GRK1: variants seen among roughly 807,000 people sequenced by gnomAD.
The protein encoded by GRK1 is rhodopsin kinase GRK1.
GRK1 carries 28 observed loss-of-function variants against 41.7 expected under a neutral mutation model. The ratio of observed to expected loss-of-function variants is 0.67; its 90% CI spans 0.50 to 0.92. The LOEUF (loss-of-function observed/expected upper bound fraction) is 0.92, where lower values mean the gene tolerates loss of function less well. GRK1 is among the 40% of genes least tolerant of loss of function. GRK1 has a pLI of 0.00. For missense variants in GRK1, 703 were observed against 671.2 expected, an observed-to-expected ratio of 1.05 and a Z score of -0.52; for synonymous variants, 327 against 286.7, an observed-to-expected ratio of 1.14 and a Z score of -1.42.
intron 6 of GRK1, among the ~76,000 whole-genome samples, chr13:113,733,927 TGTGTGC>T (rs1169774797): frequency 0.014 from 1,089 of 78,354 alleles, 75 homozygotes; most frequent in African/African-American, 0.038. Flanking sequence ...CGTGTGTGCA[TGTGTGC>T]ATACGTGTGT....
At chr13:113,652,829 C>A in the GRK1 span, 2 of 1,604,426 alleles carry the variant, frequency 1.2e-6, no homozygotes, top group African/African-American at 2.7e-5. Flanking sequence ...GAGGCCCTGA[C>A]TGCACTGTTG....
At chr13:113,652,650 G>A in the GRK1 span, 5 of 646,774 alleles carry the variant, frequency 7.7e-6, no homozygotes, top group Non-Finnish European at 1.4e-5. Context: ...ATGTTTTAGA[G>A]GGCCGGCTAT....
At chr13:113,649,499 G>C in the GRK1 span, 1 of 1,547,626 alleles carries the variant, frequency 6.5e-7, no homozygotes, top group African/African-American at 1.4e-5. The surrounding 1 kb of genome is among the most constrained non-coding windows in gnomAD (Gnocchi z 4.7). Flanking sequence ...GGGATGTTGA[G>C]GAGCTTCGCT....
chr13:113,736,050 G>C lies in GRK1; in HGVS notation c.*687G>C, dbSNP rs1422821659. The C allele has an allele frequency of 6.6e-6, 1 of 152,380 alleles. No individual in the cohort carries two copies. Among genetic ancestry groups the C allele is most frequent in the African/African-American group, 2.4e-5 (1 of 41,456 alleles). The allele number at this position is 152,380 out of a possible 1,614,324, so 9.4% of individuals were successfully genotyped here. A position where few individuals can be genotyped will look rare whatever the true frequency, so the allele number is the denominator to read the frequency against. ...AGGCTCTGTTGGGCTGTTGGGAGGA[G>C]GGGAGCGGGTGTGGAGTCTGGGGGT... On this transcript the variant is annotated 3_prime_UTR_variant, in exon 7 of 7. Coordinates refer to ENST00000335678, the MANE Select transcript of GRK1 (RefSeq NM_002929.3).
At chr13:113,668,111 G>A (rs973202886) in intron 1 of GRK1, 26 bp downstream of exon 1, 3 of 1,580,162 alleles carry the variant, frequency 1.9e-6, no homozygotes, top group African/African-American at 2.7e-5. Context: ...CGGCCAGCAG[G>A]GATGGGGTGG....
rs768220328 is a variant in GRK1 at position 113,735,372 on chromosome 13, C to T, written c.*9C>T. The T allele has an allele frequency of 1.4e-6, 2 of 1,480,364 alleles. No individual in the cohort carries two copies. The highest frequency in any genetic ancestry group is 9.0e-7 in the Non-Finnish European group (1 of 1,116,612). 91.7% of individuals were successfully genotyped at this position (1,480,364 alleles called of 1,614,324 possible). On this transcript the variant is annotated 3_prime_UTR_variant, in exon 7 of 7. Transcript: ENST00000335678. ...TGTGTCTGGTTTCCTAGGTGACGCC[C>T]CAGAGTCCACGTGGAGGAAAAGGAC...
intron 4 of GRK1, among the ~76,000 whole-genome samples, chr13:113,730,597 G>A (rs564156069): frequency 2.0e-5 from 3 of 149,676 alleles, no homozygotes; most frequent in East Asian, 2.0e-4. Context: ...CCGTGGCTGC[G>A]CCCAGAGCCG....
At chr13:113,672,252 G>GGTACA (rs2049862462) in intron 3 of GRK1, among the ~76,000 whole-genome samples, 1 of 150,552 alleles carries the variant, frequency 6.6e-6, no homozygotes. Context: ...TGTGCAGTGT[G>GGTACA]TGGTGTGTGA....
chr13:113,727,569 GACCCATGGCAATGAGGAGT>G (rs1466428772), intron 4 of GRK1, among the ~76,000 whole-genome samples: 57 of 145,818 alleles, frequency 3.9e-4, no homozygotes, highest in South Asian at 2.5e-3. Flanking sequence ...TGGCGATGAG[GACCCATGGCAATGAGGAGT>G]ACCCATGGCA....
the GRK1 span, among the ~76,000 whole-genome samples, chr13:113,655,189 C>T: frequency 3.3e-5 from 5 of 152,174 alleles, no homozygotes; most frequent in East Asian, 5.8e-4. Context: ...CAGAATCCTG[C>T]GACCCGAGGC....
the GRK1 span, among the ~76,000 whole-genome samples, chr13:113,656,200 A>G: frequency 6.6e-6 from 1 of 152,134 alleles, no homozygotes; most frequent in Admixed American, 6.5e-5. Flanking sequence ...CTGGCCCTGC[A>G]GGTCCTGCCT....
Position 113,731,082 on chromosome 13 carries a change from AT to A in GRK1, c.1070-133del. ...ACACAGGGCAGCCCCTCCACAAAGG[AT>A]TTTCTGGCCCCAAATGTGGAGAGTG... On this transcript the variant is annotated intron_variant, in intron 4 of 6. Coordinates refer to ENST00000335678, the MANE Select transcript of GRK1 (RefSeq NM_002929.3). This position sits in a 1 kb window ranked among gnomAD's most constrained non-coding sequence, Gnocchi z 5.6. 2 of 1,293,890 alleles carry A rather than the reference AT, an allele frequency of 1.5e-6. No individual in the cohort carries two copies. Among genetic ancestry groups the A allele is most frequent in the Non-Finnish European group, 2.1e-6 (2 of 965,410 alleles). 80.2% of individuals were successfully genotyped at this position (1,293,890 alleles called of 1,614,324 possible). A position where few individuals can be genotyped will look rare whatever the true frequency, so the allele number is the denominator to read the frequency against.
intron 4 of GRK1, among the ~76,000 whole-genome samples, chr13:113,725,189 C>T (rs969725207): frequency 1.3e-5 from 2 of 152,276 alleles, no homozygotes; most frequent in African/African-American, 2.4e-5. Context: ...CACGCGCCCC[C>T]CACGCAGCGA....
chr13:113,734,049 TAC>T (rs1487569959), intron 6 of GRK1, among the ~76,000 whole-genome samples: 1 of 149,512 alleles, frequency 6.7e-6, no homozygotes, highest in Non-Finnish European at 1.5e-5. Context: ...TGTGTGTGCA[TAC>T]GTGTGTGTGC....
rs74373208 is a variant in GRK1, at chr13:113,671,268, C to T, written c.828-231C>T. 7.3e-3 allele frequency among the ~76,000 whole-genome samples: 1,115 copies of T among 152,284 alleles called. 15 individuals carry two copies. Among genetic ancestry groups the T allele is most frequent in the African/African-American group, 0.025 (1,041 of 41,544 alleles). Reference sequence around the variant, plus strand: ...GGAAAGCAGGCGGACAGGAGACGCACGTGGACAGCACTTTCTCCCTGTTAG... The same window carrying T: ...GGAAAGCAGGCGGACAGGAGACGCATGTGGACAGCACTTTCTCCCTGTTAG... On this transcript the variant is annotated intron_variant, in intron 2 of 6. Coordinates refer to ENST00000335678, the MANE Select transcript of GRK1 (RefSeq NM_002929.3). The surrounding 1 kb of genome is among the most constrained non-coding windows in gnomAD (Gnocchi z 4.1).
At chr13:113,672,719 G>T in intron 3 of GRK1, among the ~76,000 whole-genome samples, 2 of 73,472 alleles carry the variant, frequency 2.7e-5, no homozygotes, top group Non-Finnish European at 4.7e-5. Context: ...CTTAGCCTTT[G>T]GGTTTTGCCA....
chr13:113,656,527 G>A, the GRK1 span, among the ~76,000 whole-genome samples: 10 of 152,296 alleles, frequency 6.6e-5, no homozygotes, highest in South Asian at 2.1e-4. Flanking sequence ...CTTGCACCAC[G>A]GTGTTCAGGG....
rs373437956 is a variant in GRK1, at chr13:113,731,232, C to T, written c.1083C>T (p.Pro361=). 1,768 of 1,537,030 alleles carry T rather than the reference C, an allele frequency of 1.2e-3. 6 individuals are homozygous for T. The highest frequency in any genetic ancestry group is 1.0e-3 in the Non-Finnish European group (1,172 of 1,146,792). ...CCTTGCTGGCAGGTTTCATGGCCCC[C>T]GAGCTCCTGCAGGGCGAGGAGTACG... is the stretch of plus-strand genomic sequence containing the variant. ...GYAGTPGFMA[P]ELLQGEEYDF... Residue 361 remains proline, a synonymous_variant, in exon 5 of 7, where the codon CCC becomes CCT. Transcript: ENST00000335678. The surrounding 1 kb of genome is among the most constrained non-coding windows in gnomAD (Gnocchi z 5.6).
chr13:113,650,381 G>T, the GRK1 span: 1 of 1,600,090 alleles, frequency 6.2e-7, no homozygotes, highest in Non-Finnish European at 8.6e-7. This position sits in a 1 kb window ranked among gnomAD's most constrained non-coding sequence, Gnocchi z 5.0. Flanking sequence ...CTGTGGTGAG[G>T]GAAGCGTGGA....
Sources: gnomAD v4.1 joint callset for allele counts (sites outside exome capture counted in the v4.1 genomes callset) on GRCh38, gnomAD v4.1.1 for gene constraint, Gnocchi (gnomAD v3.1) non-coding constraint, MANE v1.5 for transcripts, NCBI Gene and HGNC (gene_info 2026-07-23, HGNC 2026-07-21) for gene names.